Variants in FARSA observed in about 807,000 individuals in gnomAD.
The protein encoded by FARSA is phenylalanyl-tRNA synthetase subunit alpha, also known as phenylalanine--tRNA ligase alpha subunit.
FARSA carries 37 observed loss-of-function variants against 63.2 expected under a neutral mutation model. That is an observed-to-expected ratio of 0.59 (90% CI 0.45 to 0.77). The LOEUF (loss-of-function observed/expected upper bound fraction) is 0.77. FARSA is among the 30% of genes least tolerant of loss of function. The pLI, the probability that FARSA is intolerant of heterozygous loss-of-function variation, is 0.00. For missense variants in FARSA, 618 were observed against 696.6 expected, an observed-to-expected ratio of 0.89 and a Z score of 1.27; for synonymous variants, 312 against 285.1, an observed-to-expected ratio of 1.09 and a Z score of -0.95.
chr19:12,923,150 T>A (rs966620105), intron 12 of FARSA, among the ~76,000 whole-genome samples: 2 of 152,142 alleles, frequency 1.3e-5, no homozygotes, highest in African/African-American at 4.8e-5. Flanking sequence ...CTTCCCCAGA[T>A]ACTCTCATGG....
In FARSA at chr19:12,928,856, AG is replaced by A. The variant is rs1971359275; in HGVS notation, c.504-10del. 2 of 1,612,834 alleles carry A rather than the reference AG, an allele frequency of 1.2e-6. No homozygotes were observed. Among genetic ancestry groups the A allele is most frequent in the African/African-American group, 1.3e-5 (1 of 74,896 alleles). On this transcript the variant is annotated splice_polypyrimidine_tract_variant and intron_variant, in intron 4 of 12. Transcript: ENST00000314606. ...AGTAGGTCTTCAGAGTCCTGTGGCC[AG>A]GGGAAGGAAGGGGACGCCACTGCCA...
chr19:12,930,193 G>A (rs1971374540), intron 4 of FARSA, 30 bp downstream of exon 4: 1 of 1,551,110 alleles, frequency 6.4e-7, no homozygotes, highest in Admixed American at 1.7e-5. Flanking sequence ...AGGTGGTGGG[G>A]GCCTGAGCCT....
At chr19:12,927,285 C>A (rs190489370) in intron 7 of FARSA, among the ~76,000 whole-genome samples, 1 of 152,152 alleles carries the variant, frequency 6.6e-6, no homozygotes, top group Non-Finnish European at 1.5e-5. Context: ...GAGGTGTGCA[C>A]GGCCTGGAAT....
intron 1 of FARSA, among the ~76,000 whole-genome samples, chr19:12,932,272 C>T (rs191981100): frequency 3.7e-3 from 570 of 152,160 alleles, no homozygotes; most frequent in Non-Finnish European, 5.8e-3. Context: ...ACCTCGTGAT[C>T]CACCCGCCTT....
Position 12,924,278 on chromosome 19 carries a change from G to A in FARSA, c.1274-13C>T, listed in dbSNP as rs779595444. The A allele has an allele frequency of 6.2e-7, 1 of 1,609,304 alleles. No individual in the cohort carries two copies. The highest frequency in any genetic ancestry group is 1.7e-5 in the Admixed American group (1 of 60,016). On this transcript the variant is annotated splice_polypyrimidine_tract_variant and intron_variant, in intron 11 of 12. Transcript: ENST00000314606. The surrounding 1 kb of genome is among the most constrained non-coding windows in gnomAD (Gnocchi z 6.4). ...CACTTCTTCAGGCCTGCAGAGGCAGGACAGAAAAGACGGGCAGTGCGTGTT... is the reference window on the plus strand; with the variant it reads ...CACTTCTTCAGGCCTGCAGAGGCAGAACAGAAAAGACGGGCAGTGCGTGTT...
chr19:12,924,868 T>G lies in FARSA; in HGVS notation c.1026+36A>C, dbSNP rs1971308193. ...TCAGAAGGTCCCTTTGACAGCACCC[T>G]CTCCCCACTGGGGCCCCCGCCTGGG... is the stretch of plus-strand genomic sequence containing the variant. On this transcript the variant is annotated intron_variant, in intron 9 of 12. Transcript: ENST00000314606. The surrounding 1 kb of genome is among the most constrained non-coding windows in gnomAD (Gnocchi z 6.4). 1 of 1,613,796 alleles carries G rather than the reference T, an allele frequency of 6.2e-7. No homozygotes were observed. The highest frequency in any genetic ancestry group is 2.2e-5 in the East Asian group (1 of 44,890).
intron 4 of FARSA, 122 bp downstream of exon 4, chr19:12,930,101 G>T: frequency 1.3e-6 from 1 of 760,916 alleles, no homozygotes. Context: ...ATGGCATTAA[G>T]CGAGCTGGGA....
chr19:12,928,873 G>T, intron 4 of FARSA, 26 bp from the exon 5 acceptor site: 1 of 1,600,934 alleles, frequency 6.2e-7, no homozygotes, highest in African/African-American at 1.3e-5. Context: ...GGAAGGGGAC[G>T]CCACTGCCAT....
In FARSA at chr19:12,922,619, C is replaced by T; in HGVS notation, c.*129G>A. The T allele has an allele frequency of 8.5e-7, 1 of 1,172,458 alleles. No individual in the cohort carries two copies. Among genetic ancestry groups the T allele is most frequent in the Non-Finnish European group, 1.2e-6 (1 of 831,628 alleles). 72.6% of individuals were successfully genotyped at this position (1,172,458 alleles called of 1,614,324 possible). A position where few individuals can be genotyped will look rare whatever the true frequency, so the allele number is the denominator to read the frequency against. The stretch of plus-strand genomic sequence containing the variant: ...TGTCCCTGGGATTCTGGTCCTGGGA[C>T]AGGTGGGAAAGAGGAAGGTGGGGGC... On this transcript the variant is annotated 3_prime_UTR_variant, in exon 13 of 13. Coordinates refer to ENST00000314606, the MANE Select transcript of FARSA (RefSeq NM_004461.3).
chr19:12,925,881 C>A (rs932849751), intron 7 of FARSA, among the ~76,000 whole-genome samples: 1 of 152,182 alleles, frequency 6.6e-6, no homozygotes, highest in Non-Finnish European at 1.5e-5. Context: ...CCATGTTGGC[C>A]AGGCTGGTCT....
In FARSA at chr19:12,928,384, G is replaced by C. The variant is rs752268407; in HGVS notation, c.799C>G (p.Gln267Glu). 6.2e-7 allele frequency: 1 copy of C among 1,614,168 alleles called. No individual in the cohort carries two copies. The highest frequency in any genetic ancestry group is 1.1e-5 in the South Asian group (1 of 91,086). ...WNFDALFQPQ[Q>E]HPARDQHDTF... Reference sequence around the variant, plus strand: ...TCGTGCTGGTCACGGGCTGGGTGCTGCTGGGGCTGGAAGAGGGCGTCAAAG... The same window carrying C: ...TCGTGCTGGTCACGGGCTGGGTGCTCCTGGGGCTGGAAGAGGGCGTCAAAG... Residue 267 changes from glutamine (Q) to glutamate (E), a missense_variant, in exon 7 of 13, where the codon CAG becomes GAG. Gln to Glu is a conservative substitution (Grantham distance 29, BLOSUM62 2). Transcript: ENST00000314606.
At position 12,933,689 on chromosome 19, in the gene FARSA, T is replaced by TC. The variant is rs1162711993; in HGVS notation, c.7dup (p.Asp3GlyfsTer16). On this transcript the variant is annotated frameshift_variant, in exon 1 of 13. Coordinates refer to ENST00000314606, the MANE Select transcript of FARSA (RefSeq NM_004461.3). LOFTEE classifies it high-confidence loss of function. ...GAGCAGCAGTTCCGCCACCTGACCA[T>TC]CCGCCATGACTCCTTCCAGTGTGCT... 3 of 1,527,764 alleles carry TC rather than the reference T, an allele frequency of 2.0e-6. No individual in the cohort carries two copies. Among genetic ancestry groups the TC allele is most frequent in the Non-Finnish European group, 2.6e-6 (3 of 1,133,938 alleles). The allele number at this position is 1,527,764 out of a possible 1,614,324, so 94.6% of individuals were successfully genotyped here.
intron 6 of FARSA, 33 bp from the exon 7 acceptor site, chr19:12,928,490 G>A: frequency 2.5e-6 from 4 of 1,613,930 alleles, no homozygotes; most frequent in Non-Finnish European, 3.4e-6. Flanking sequence ...TGCCCTGCCT[G>A]TACCCAGCAG....
intron 1 of FARSA, 135 bp downstream of exon 1, chr19:12,933,415 G>C: frequency 9.6e-7 from 1 of 1,043,412 alleles, no homozygotes; most frequent in African/African-American, 1.6e-5. Context: ...CTTCCCGCCC[G>C]CACATCCCGG....
Position 12,924,627 on chromosome 19 carries a change from C to T in FARSA, c.1195+12G>A, listed in dbSNP as rs201211248. ...CCTCACCACCATGGCCCACCCCTGC[C>T]CCCCTGCTCACCCAGCTTGGTGAAG... On this transcript the variant is annotated intron_variant, in intron 10 of 12. Coordinates refer to ENST00000314606, the MANE Select transcript of FARSA (RefSeq NM_004461.3). The surrounding 1 kb of genome is among the most constrained non-coding windows in gnomAD (Gnocchi z 6.4). 38 of 1,608,088 alleles carry T rather than the reference C, an allele frequency of 2.4e-5. No homozygotes were observed. The Middle Eastern group carries it at 2.3e-3, about 98-fold the overall frequency.
At chr19:12,923,747 T>C (rs1379638528) in intron 12 of FARSA, among the ~76,000 whole-genome samples, 2 of 152,228 alleles carry the variant, frequency 1.3e-5, no homozygotes. Flanking sequence ...CCCACAGTGC[T>C]TGGATTACAG....
At chr19:12,931,084 T>G (rs1224532090) in intron 1 of FARSA, among the ~76,000 whole-genome samples, 1 of 152,182 alleles carries the variant, frequency 6.6e-6, no homozygotes, top group Admixed American at 6.6e-5. Flanking sequence ...CTGATATGTC[T>G]CCACATTTTT....
At chr19:12,923,022 C>G (rs1403240478) in intron 12 of FARSA, 136 bp from the exon 13 acceptor site, 1 of 1,115,934 alleles carries the variant, frequency 9.0e-7, no homozygotes, top group Non-Finnish European at 1.3e-6. Context: ...GCCAACTGCT[C>G]TATCACCTCT....
At position 12,930,276 on chromosome 19, in the gene FARSA, C is replaced by A; in HGVS notation, c.450G>T (p.Lys150Asn). ...LQLVRGGQAE[K>N]LGEKERSELR... ...GCTCGCTCCTCTCCTTCTCCCCCAG[C>A]TTCTCAGCCTGTCCCCCCCGGACCA... is the stretch of plus-strand genomic sequence containing the variant. Residue 150 changes from lysine (K) to asparagine (N), a missense_variant, in exon 4 of 13, where the codon AAG (lysine) becomes AAT (asparagine). By Grantham distance (94) the Lys-to-Asn change is moderately conservative. Transcript: ENST00000314606. The A allele has an allele frequency of 6.2e-7, 1 of 1,614,158 alleles. No homozygotes were observed. The highest frequency in any genetic ancestry group is 8.5e-7 in the Non-Finnish European group (1 of 1,180,008).
Sources: gnomAD v4.1 joint callset for allele counts (sites outside exome capture counted in the v4.1 genomes callset) on GRCh38, gnomAD v4.1.1 for gene constraint, Gnocchi (gnomAD v3.1) non-coding constraint, MANE v1.5 for transcripts, NCBI Gene and HGNC (gene_info 2026-07-23, HGNC 2026-07-21) for gene names.